Variants in ESRRG observed in about 807,000 individuals in gnomAD.
ESRRG encodes the protein estrogen-related receptor gamma.
Under a neutral mutation model 44.0 loss-of-function variants are expected in ESRRG, and 13 were observed. That is an observed-to-expected ratio of 0.30 (90% CI 0.19 to 0.47). ESRRG has a LOEUF of 0.47. Ranked by LOEUF, ESRRG falls within the 20% of genes least tolerant of loss-of-function variation. ESRRG has a pLI of 1.00. For missense variants in ESRRG, 395 were observed against 580.6 expected, an observed-to-expected ratio of 0.68 and a Z score of 3.29; for synonymous variants, 215 against 214.6, an observed-to-expected ratio of 1.00 and a Z score of -0.02.
intron 1 of ESRRG, among the ~76,000 whole-genome samples, chr1:217,105,856 GGT>G (rs2092586799): frequency 1.3e-5 from 2 of 152,066 alleles, no homozygotes; most frequent in Non-Finnish European, 2.9e-5. Context: ...GAGTCTCCTA[GGT>G]GAAAACGTTG....
chr1:217,121,744 G>A (rs1018627439), intron 1 of ESRRG, among the ~76,000 whole-genome samples: 1 of 152,120 alleles, frequency 6.6e-6, no homozygotes, highest in African/African-American at 2.4e-5. Context: ...TAAATCCACT[G>A]GGATTTAACA....
chr1:216,909,767 G>A (rs978729910), intron 2 of ESRRG, among the ~76,000 whole-genome samples: 8 of 152,140 alleles, frequency 5.3e-5, no homozygotes, highest in African/African-American at 1.7e-4. Context: ...CGTAGTAAAT[G>A]TTATCAGAAC....
chr1:216,867,566 T>A (rs1044913210), intron 2 of ESRRG, among the ~76,000 whole-genome samples: 1 of 152,148 alleles, frequency 6.6e-6, no homozygotes, highest in African/African-American at 2.4e-5. Flanking sequence ...GAAAAATTGA[T>A]AAGCAATCAT....
intron 2 of ESRRG, among the ~76,000 whole-genome samples, chr1:216,854,832 A>AC (rs1282370087): frequency 6.6e-6 from 1 of 151,864 alleles, no homozygotes; most frequent in African/African-American, 2.4e-5. Flanking sequence ...GCAAGAAAAA[A>AC]AAATTTTGAC....
rs1245185232 is a variant in ESRRG at position 217,055,442 on chromosome 1, A to G, written c.-106+34065T>C. Among the ~76,000 whole-genome samples, 5 of 152,184 alleles carry G rather than the reference A, an allele frequency of 3.3e-5. No homozygotes were observed. The South Asian group carries it at 6.2e-4, about 19-fold the overall frequency. On this transcript the variant is annotated intron_variant, in intron 1 of 7. Transcript: ENST00000359162. ...CAAGATATTCACTTTCCTACAGTCC[A>G]GTGGCAGGTTGGGCAGGAAAAAAAC...
intron 2 of ESRRG, among the ~76,000 whole-genome samples, chr1:216,904,212 C>G (rs1200749986): frequency 6.6e-6 from 1 of 151,614 alleles, no homozygotes; most frequent in Non-Finnish European, 1.5e-5. Flanking sequence ...TCACCCCCCC[C>G]AACTGATAAT....
intron 2 of ESRRG, among the ~76,000 whole-genome samples, chr1:216,655,508 G>A (rs763338367): frequency 5.9e-5 from 9 of 152,236 alleles, no homozygotes; most frequent in Non-Finnish European, 8.8e-5. Flanking sequence ...TTCCCAGAGC[G>A]ACAGCAAATA....
At chr1:217,093,636 C>T (rs1036059990), upstream of ESRRG, among the ~76,000 whole-genome samples, 2 of 151,928 alleles carry the variant, frequency 1.3e-5, no homozygotes, top group Non-Finnish European at 2.9e-5. Context: ...TAGAAAAAAT[C>T]AGCAGGGCAT....
chr1:216,835,103 T>C (rs2095543224), intron 2 of ESRRG, among the ~76,000 whole-genome samples: 2 of 152,232 alleles, frequency 1.3e-5, no homozygotes, highest in Non-Finnish European at 2.9e-5. Context: ...CTGTTTGCTT[T>C]GTTTTTGGAA....
At chr1:217,075,140 T>C (rs2091113543) in intron 1 of ESRRG, among the ~76,000 whole-genome samples, 1 of 152,130 alleles carries the variant, frequency 6.6e-6, no homozygotes, top group African/African-American at 2.4e-5. Context: ...TGTTAGGTTG[T>C]AAAAAAATCT....
At chr1:216,537,154 C>T (rs1355573117) in intron 5 of ESRRG, among the ~76,000 whole-genome samples, 4 of 151,804 alleles carry the variant, frequency 2.6e-5, no homozygotes, top group Non-Finnish European at 5.9e-5. Context: ...GTCTAGGAGG[C>T]GATTAGGTCA....
intron 1 of ESRRG, among the ~76,000 whole-genome samples, chr1:216,948,470 C>T (rs1333067921): frequency 5.0e-5 from 4 of 79,364 alleles, no homozygotes; most frequent in African/African-American, 1.1e-4. Flanking sequence ...GAGCAAGACT[C>T]CATCTCAAAA....
intron 2 of ESRRG, among the ~76,000 whole-genome samples, chr1:216,920,413 TGTGTGTGC>T (rs200406562): frequency 0.039 from 4,728 of 122,310 alleles, 91 homozygotes; most frequent in African/African-American, 0.054. Flanking sequence ...TGTGTGTGTG[TGTGTGTGC>T]GCATATTTTT....
intron 2 of ESRRG, among the ~76,000 whole-genome samples, chr1:216,655,414 G>A (rs927790417): frequency 2.0e-5 from 3 of 152,156 alleles, no homozygotes; most frequent in African/African-American, 7.2e-5. Flanking sequence ...TGCTTAGGAA[G>A]ATCAGCAAAT....
At chr1:217,124,700 G>GA (rs899641772) in intron 1 of ESRRG, among the ~76,000 whole-genome samples, 2 of 152,044 alleles carry the variant, frequency 1.3e-5, no homozygotes, top group African/African-American at 2.4e-5. Context: ...GAAAAAGAAA[G>GA]AAAAAAACCA....
At chr1:216,674,411 A>G (rs1559149433) in intron 2 of ESRRG, among the ~76,000 whole-genome samples, 1 of 152,208 alleles carries the variant, frequency 6.6e-6, no homozygotes, top group Non-Finnish European at 1.5e-5. Flanking sequence ...TTTTTGTAAG[A>G]AAATATCAAT....
At chr1:216,725,752 A>T (rs2087389782), upstream of ESRRG, among the ~76,000 whole-genome samples, 1 of 152,168 alleles carries the variant, frequency 6.6e-6, no homozygotes, top group Non-Finnish European at 1.5e-5. Context: ...ATATTTCTTT[A>T]AAAAATATAA....
chr1:216,521,816 T>C (rs2046166702), intron 5 of ESRRG, among the ~76,000 whole-genome samples: 1 of 152,118 alleles, frequency 6.6e-6, no homozygotes, highest in Non-Finnish European at 1.5e-5. Flanking sequence ...TTTTCTTATC[T>C]GCCTGATTAA....
In ESRRG at chr1:216,940,072, A is replaced by G. The variant is rs1347003431; in HGVS notation, c.-105-399T>C. On this transcript the variant is annotated intron_variant, in intron 1 of 7. Coordinates refer to the ESRRG transcript ENST00000359162. ...TTCTTCCAAGACCAAGGGACTTTTT[A>G]CTTACTTCACATTAGTCTCAAAATG... Among the ~76,000 whole-genome samples the G allele has an allele frequency of 3.9e-5, 6 of 152,202 alleles. No homozygotes were observed. The South Asian group carries it at 1.0e-3, about 26-fold the overall frequency.
Sources: allele counts gnomAD v4.1 joint callset (sites outside exome capture counted in the v4.1 genomes callset), GRCh38; gene constraint gnomAD v4.1.1; transcripts MANE v1.5; gene names NCBI Gene and HGNC (gene_info 2026-07-23, HGNC 2026-07-21).